The following ETFA variants were observed in gnomAD, a reference collection of about 807,000 sequenced individuals.
ETFA encodes the protein electron transfer flavoprotein subunit alpha.
ETFA carries 22 observed loss-of-function variants against 46.2 expected under a neutral mutation model. That is an observed-to-expected ratio of 0.48 (90% CI 0.34 to 0.68). The LOEUF (loss-of-function observed/expected upper bound fraction) is 0.68. Ranked by LOEUF, ETFA falls within the 30% of genes least tolerant of loss-of-function variation. ETFA has a pLI of 0.01. For missense variants in ETFA, 345 were observed against 401.1 expected (o/e 0.86, Z 1.19); for synonymous variants, 131 against 139.9 (o/e 0.94, Z 0.45).
At chr15:76,282,173 G>T (rs2039661420) in intron 8 of ETFA, among the ~76,000 whole-genome samples, 1 of 151,866 alleles carries the variant, frequency 6.6e-6, no homozygotes, top group South Asian at 2.1e-4. Context: ...CAAAGTGCTG[G>T]CATTACAGGT....
chr15:76,291,722 A>G (rs945679619), intron 4 of ETFA, among the ~76,000 whole-genome samples: 260 of 133,420 alleles, frequency 1.9e-3, no homozygotes, highest in Non-Finnish European at 4.0e-3. Context: ...CTGCACTCCA[A>G]CCTGGGCGAC....
intron 9 of ETFA, 83 bp from the exon 10 acceptor site, chr15:76,231,481 C>A: frequency 1.2e-6 from 1 of 847,508 alleles, no homozygotes; most frequent in Non-Finnish European, 1.8e-6. Context: ...CAATTTAAGT[C>A]TTAGGCAAAA....
intron 9 of ETFA, chr15:76,259,296 T>C: frequency 6.3e-7 from 1 of 1,581,478 alleles, no homozygotes; most frequent in African/African-American, 1.3e-5. Flanking sequence ...GCCCAGAATG[T>C]TCTCCAGTTC....
chr15:76,224,366 C>T (rs562264374), intron 11 of ETFA, among the ~76,000 whole-genome samples: 1 of 152,112 alleles, frequency 6.6e-6, no homozygotes, highest in Non-Finnish European at 1.5e-5. Flanking sequence ...AATGTTTTTC[C>T]CAAGCCAAAA....
chr15:76,247,245 C>T (rs2039251208), intron 9 of ETFA, among the ~76,000 whole-genome samples: 1 of 152,214 alleles, frequency 6.6e-6, no homozygotes. Context: ...ATTTAAGGTG[C>T]TTATGAATCT....
At chr15:76,224,271 C>T (rs2038983945) in intron 11 of ETFA, among the ~76,000 whole-genome samples, 1 of 152,174 alleles carries the variant, frequency 6.6e-6, no homozygotes, top group African/African-American at 2.4e-5. Flanking sequence ...TTTGTTCTTA[C>T]ACACTTGGGC....
At chr15:76,245,976 G>A (rs997449066) in intron 9 of ETFA, among the ~76,000 whole-genome samples, 1 of 152,322 alleles carries the variant, frequency 6.6e-6, no homozygotes, top group Admixed American at 6.5e-5. Context: ...AATCCAGTAA[G>A]TGTGTCAAAC....
intron 4 of ETFA, 124 bp from the exon 5 acceptor site, chr15:76,288,069 G>C: frequency 1.4e-6 from 1 of 708,586 alleles, no homozygotes; most frequent in Non-Finnish European, 2.5e-6. Context: ...TTTATATTTC[G>C]TGTGCACCTT....
intron 9 of ETFA, chr15:76,261,179 T>A: frequency 6.5e-7 from 1 of 1,535,972 alleles, no homozygotes; most frequent in East Asian, 2.3e-5. Context: ...ATCTTCGTAG[T>A]TCCTCTCCAC....
intron 4 of ETFA, among the ~76,000 whole-genome samples, chr15:76,291,409 C>T (rs1331650883): frequency 7.0e-6 from 1 of 142,790 alleles, no homozygotes; most frequent in Non-Finnish European, 1.5e-5. Flanking sequence ...TGTGCTGCTG[C>T]ACTCCAGCCT....
At chr15:76,277,492 C>G (rs2039604986) in intron 8 of ETFA, among the ~76,000 whole-genome samples, 1 of 7,412 alleles carries the variant, frequency 1.3e-4, no homozygotes, top group African/African-American at 1.8e-4. Flanking sequence ...AGTTTTTTGT[C>G]AAAAACAAAA....
At chr15:76,292,578 G>T in intron 3 of ETFA, 41 bp downstream of exon 3, 1 of 1,581,884 alleles carries the variant, frequency 6.3e-7, no homozygotes, top group South Asian at 1.1e-5. Context: ...ATATTCAAGC[G>T]TAATTTAGAC....
At chr15:76,268,609 C>T (rs1371649336) in intron 9 of ETFA, among the ~76,000 whole-genome samples, 1 of 152,096 alleles carries the variant, frequency 6.6e-6, no homozygotes, top group African/African-American at 2.4e-5. Flanking sequence ...TACAAGAGAC[C>T]CTAACAGGTA....
In ETFA at chr15:76,288,920, C is replaced by T. The variant is rs72736890; in HGVS notation, c.352-975G>A. Among the ~76,000 whole-genome samples the T allele has an allele frequency of 2.6e-3, 287 of 110,090 alleles. 1 individual carries two copies. The highest frequency in any genetic ancestry group is 0.025 in the East Asian group (84 of 3,426). The allele number at this position is 110,090 out of a possible 152,430, so 72.2% of individuals were successfully genotyped here. On this transcript the variant is annotated intron_variant, in intron 4 of 11. Transcript: ENST00000557943. ...TCAGTTAATTCTTCTTCTTCTTCTT[C>T]TTTTTTTTTTTTTTTGGAAACAGGG...
At position 76,241,774 on chromosome 15, in the gene ETFA, C is replaced by T. The variant is rs184650495; in HGVS notation, c.817-10376G>A. Among the ~76,000 whole-genome samples the T allele has an allele frequency of 2.1e-3, 275 of 133,630 alleles. 1 individual carries two copies. Among genetic ancestry groups the T allele is most frequent in the African/African-American group, 7.3e-3 (263 of 35,954 alleles). The allele number at this position is 133,630 out of a possible 152,430, so 87.7% of individuals were successfully genotyped here. On this transcript the variant is annotated intron_variant, in intron 9 of 11. Coordinates refer to ENST00000557943, the MANE Select transcript of ETFA (RefSeq NM_000126.4). ...CCAAGATCACACCACTGCACTCCAG[C>T]CTGGGCGACAGAGTGAGACTCCATC... is the stretch of plus-strand genomic sequence containing the variant.
At chr15:76,268,443 C>T (rs1036327340) in intron 9 of ETFA, among the ~76,000 whole-genome samples, 8 of 152,116 alleles carry the variant, frequency 5.3e-5, no homozygotes, top group Non-Finnish European at 2.9e-5. Flanking sequence ...CTGACATCAA[C>T]CCCCATAACA....
intron 8 of ETFA, 74 bp downstream of exon 8, chr15:76,283,683 C>G: frequency 9.2e-7 from 1 of 1,082,258 alleles, no homozygotes; most frequent in Non-Finnish European, 1.4e-6. Context: ...AAGACTTACA[C>G]AAAAATGAAA....
At chr15:76,238,159 T>G (rs967764726) in intron 9 of ETFA, among the ~76,000 whole-genome samples, 2 of 152,226 alleles carry the variant, frequency 1.3e-5, no homozygotes, top group Admixed American at 1.3e-4. Context: ...GTATTCTGCC[T>G]GCAGCAACTT....
chr15:76,308,463 G>C (rs1351331951), intron 1 of ETFA, among the ~76,000 whole-genome samples: 1 of 152,014 alleles, frequency 6.6e-6, no homozygotes, highest in Non-Finnish European at 1.5e-5. Context: ...TGATGCACGG[G>C]GAACACAATA....
Sources: gnomAD v4.1 joint callset for allele counts (sites outside exome capture counted in the v4.1 genomes callset) on GRCh38, gnomAD v4.1.1 for gene constraint, MANE v1.5 for transcripts, NCBI Gene and HGNC (gene_info 2026-07-23, HGNC 2026-07-21) for gene names.